The following PARD3B variants were observed in gnomAD, a reference collection of about 807,000 sequenced individuals.
PARD3B encodes partitioning defective 3 homolog B.
PARD3B carries 103 observed loss-of-function variants against 130.2 expected under a neutral mutation model. The ratio of observed to expected loss-of-function variants is 0.79; its 90% CI spans 0.67 to 0.93. The LOEUF is 0.93. PARD3B is among the 40% of genes least tolerant of loss of function. PARD3B has a pLI of 0.00. For missense variants in PARD3B, 1,609 were observed against 1,499.2 expected (o/e 1.07, Z -1.21); for synonymous variants, 583 against 553.2 (o/e 1.05, Z -0.76).
At chr2:205,205,082 C>A (rs556514140) in intron 15 of PARD3B, among the ~76,000 whole-genome samples, 10 of 152,276 alleles carry the variant, frequency 6.6e-5, no homozygotes, top group Admixed American at 4.6e-4. Flanking sequence ...TATCCCTAAG[C>A]ATGGAATGTT....
intron 1 of PARD3B, among the ~76,000 whole-genome samples, chr2:204,601,654 GTGAACTGC>G (rs2033519576): frequency 6.6e-6 from 1 of 151,916 alleles, no homozygotes; most frequent in Non-Finnish European, 1.5e-5. Flanking sequence ...TAAGCAGTTC[GTGAACTGC>G]TGAATTTAGG....
intron 2 of PARD3B, among the ~76,000 whole-genome samples, chr2:204,963,397 A>G (rs1253750196): frequency 6.6e-6 from 1 of 152,180 alleles, no homozygotes; most frequent in Non-Finnish European, 1.5e-5. Flanking sequence ...CACATGGGTT[A>G]TACTGAGTTA....
chr2:204,747,864 C>T (rs1477410024), intron 2 of PARD3B, among the ~76,000 whole-genome samples: 2 of 152,090 alleles, frequency 1.3e-5, no homozygotes, highest in African/African-American at 4.8e-5. Context: ...CATACAAATT[C>T]AAGGTGTTAA....
intron 18 of PARD3B, among the ~76,000 whole-genome samples, chr2:205,383,101 T>TAGATAGAG (rs2045519359): frequency 7.6e-6 from 1 of 132,344 alleles, no homozygotes; most frequent in East Asian, 2.4e-4. Context: ...GATAGATAGA[T>TAGATAGAG]AGATAGATAG....
rs535320662 is a variant in PARD3B, at chr2:205,476,282, C to T, written c.3045-23614C>T. On this transcript the variant is annotated intron_variant, in intron 20 of 22. Transcript: ENST00000406610. Reference sequence around the variant, plus strand: ...CAGACCTCCAATTTGTTCATTTTGACTGTAAGTGACTTAATTTAACATTTT... The same window carrying T: ...CAGACCTCCAATTTGTTCATTTTGATTGTAAGTGACTTAATTTAACATTTT... Among the ~76,000 whole-genome samples, 125 of 152,280 alleles carry T rather than the reference C, an allele frequency of 8.2e-4. 1 individual carries two copies. The highest frequency in any genetic ancestry group is 3.0e-3 in the African/African-American group (124 of 41,560).
At chr2:204,553,620 A>C (rs1368246468) in intron 1 of PARD3B, among the ~76,000 whole-genome samples, 2 of 137,050 alleles carry the variant, frequency 1.5e-5, no homozygotes, top group East Asian at 2.0e-4. Flanking sequence ...ATGGCTATAT[A>C]CATATATATG....
intron 18 of PARD3B, among the ~76,000 whole-genome samples, chr2:205,308,177 T>C (rs1313459651): frequency 6.6e-6 from 1 of 152,218 alleles, no homozygotes. Context: ...GTTAATTTAT[T>C]AAAGCCCTAT....
rs2052991973 is a variant in PARD3B, at chr2:205,558,430, C to G, written c.3260+5027C>G. ...GAACATGCAACTACCAGACTTATAC[C>G]TGAGCAGGACTCGTGTGGCAGGTCT... is the stretch of plus-strand genomic sequence containing the variant. On this transcript the variant is annotated intron_variant, in intron 22 of 22. Coordinates refer to ENST00000406610, the MANE Select transcript of PARD3B (RefSeq NM_001302769.2). This position sits in a 1 kb window ranked among gnomAD's most constrained non-coding sequence, Gnocchi z 4.8. Among the ~76,000 whole-genome samples, 1 of 152,160 alleles carries G rather than the reference C, an allele frequency of 6.6e-6. No homozygotes were observed. The highest frequency in any genetic ancestry group is 6.5e-5 in the Admixed American group (1 of 15,278).
At chr2:205,314,088 T>C (rs932985806) in intron 18 of PARD3B, among the ~76,000 whole-genome samples, 1 of 152,208 alleles carries the variant, frequency 6.6e-6, no homozygotes, top group African/African-American at 2.4e-5. Context: ...CAATGTCATG[T>C]CCTTGTGGGA....
chr2:205,074,728 G>C (rs937580266), intron 4 of PARD3B, among the ~76,000 whole-genome samples: 1 of 152,158 alleles, frequency 6.6e-6, no homozygotes, highest in African/African-American at 2.4e-5. Flanking sequence ...TCTTTAGTCT[G>C]TAAATGGCAG....
At chr2:205,435,800 A>G (rs1314993704) in intron 19 of PARD3B, among the ~76,000 whole-genome samples, 1 of 151,964 alleles carries the variant, frequency 6.6e-6, no homozygotes, top group Admixed American at 6.6e-5. Context: ...AGTTTATAAT[A>G]TTTACATTTT....
intron 1 of PARD3B, among the ~76,000 whole-genome samples, chr2:204,672,108 A>G (rs529310540): frequency 2.8e-4 from 42 of 152,332 alleles, no homozygotes; most frequent in Non-Finnish European, 5.4e-4. Flanking sequence ...ATAATGATAC[A>G]TCATTGTAGG....
intron 20 of PARD3B, among the ~76,000 whole-genome samples, chr2:205,488,639 C>A (rs990835486): frequency 2.0e-5 from 3 of 152,090 alleles, no homozygotes; most frequent in African/African-American, 7.2e-5. Context: ...ATATACAAGG[C>A]CATGTTGTAC....
chr2:205,590,137 A>C lies in PARD3B; in HGVS notation c.3261-25319A>C, dbSNP rs1477315091. 6.6e-6 allele frequency among the ~76,000 whole-genome samples: 1 copy of C among 152,178 alleles called. No individual in the cohort carries two copies. Among genetic ancestry groups the C allele is most frequent in the Non-Finnish European group, 1.5e-5 (1 of 68,038 alleles). ...AGGTAAACATTATTGTTCTCTCTAC[A>C]TATTATTCCGATGCTTTATTTATCC... is the stretch of plus-strand genomic sequence containing the variant. On this transcript the variant is annotated intron_variant, in intron 22 of 22. Transcript: ENST00000406610. The surrounding 1 kb of genome is among the most constrained non-coding windows in gnomAD (Gnocchi z 4.1).
intron 20 of PARD3B, among the ~76,000 whole-genome samples, chr2:205,496,877 G>C (rs2049946053): frequency 6.6e-6 from 1 of 151,498 alleles, no homozygotes; most frequent in South Asian, 2.1e-4. Context: ...AGTTTCTTTG[G>C]GGTAAACTAA....
At chr2:205,213,708 G>T (rs540991157) in intron 15 of PARD3B, among the ~76,000 whole-genome samples, 6 of 152,202 alleles carry the variant, frequency 3.9e-5, no homozygotes, top group South Asian at 2.1e-4. Context: ...AGCACCATAC[G>T]CTCATATTCA....
chr2:205,264,178 G>T (rs1332731924), intron 16 of PARD3B, among the ~76,000 whole-genome samples: 1 of 150,960 alleles, frequency 6.6e-6, no homozygotes, highest in East Asian at 1.9e-4. Flanking sequence ...GCTCCAGAGA[G>T]ATCAATCAAG....
In PARD3B at chr2:204,905,800, C is replaced by G. The variant is rs530596378; in HGVS notation, c.223-59352C>G. On this transcript the variant is annotated intron_variant, in intron 2 of 22. Coordinates refer to ENST00000406610, the MANE Select transcript of PARD3B (RefSeq NM_001302769.2). Reference sequence around the variant, plus strand: ...ATGTGCTCAAGAGGAATGAAGCCAACATACCACTTAAAAGGGTTAGTCGGG... The same window carrying G: ...ATGTGCTCAAGAGGAATGAAGCCAAGATACCACTTAAAAGGGTTAGTCGGG... 1.8e-4 allele frequency among the ~76,000 whole-genome samples: 27 copies of G among 152,294 alleles called. No homozygotes were observed. In the South Asian group the frequency reaches 5.6e-3, roughly 32 times the overall value.
Position 205,095,438 on chromosome 2 carries a change from C to G in PARD3B, c.505-8988C>G, listed in dbSNP as rs552419175. On this transcript the variant is annotated intron_variant, in intron 4 of 22. Transcript: ENST00000406610. ...AGAATTACTTTGTTGAACTTCTAAA[C>G]TTCTATGGCTCTGAAGATTTTAAAG... is the stretch of plus-strand genomic sequence containing the variant. Among the ~76,000 whole-genome samples, 4 of 152,216 alleles carry G rather than the reference C, an allele frequency of 2.6e-5. No homozygotes were observed. In the South Asian group the frequency reaches 8.3e-4, roughly 32 times the overall value.
Sources: gnomAD v4.1 joint callset for allele counts (sites outside exome capture counted in the v4.1 genomes callset) on GRCh38, gnomAD v4.1.1 for gene constraint, Gnocchi (gnomAD v3.1) non-coding constraint, MANE v1.5 for transcripts, NCBI Gene and HGNC (gene_info 2026-07-23, HGNC 2026-07-21) for gene names.